The following ACVR1 variants were observed in gnomAD, a reference collection of about 807,000 sequenced individuals.
ACVR1 encodes activin A receptor type 1, also known as activin receptor type-1.
In ACVR1, 38 loss-of-function variants were observed where a neutral mutation model predicts 57.1. That is an observed-to-expected ratio of 0.67 (90% confidence interval 0.51 to 0.87). The LOEUF is 0.87. ACVR1 is among the 40% of genes least tolerant of loss of function. ACVR1 has a pLI of 0.00. For synonymous variants in ACVR1, 212 were observed against 228.1 expected (o/e 0.93, Z 0.63); for missense variants, 463 against 638.2 (o/e 0.73, Z 2.96).
intron 1 of ACVR1, among the ~76,000 whole-genome samples, chr2:157,855,340 AC>A (rs1558848498): frequency 1.9e-3 from 259 of 133,628 alleles, no homozygotes; most frequent in African/African-American, 4.9e-3. Context: ...ACACACACAC[AC>A]ACACAAAAAT....
intron 1 of ACVR1, among the ~76,000 whole-genome samples, chr2:157,830,225 A>C (rs1156940758): frequency 6.6e-6 from 1 of 152,188 alleles, no homozygotes; most frequent in Non-Finnish European, 1.5e-5. Flanking sequence ...TCTCAAAATA[A>C]AATTAAATAA....
intron 9 of ACVR1, among the ~76,000 whole-genome samples, chr2:157,752,335 T>A (rs537674402): frequency 6.6e-6 from 1 of 152,318 alleles, no homozygotes; most frequent in African/African-American, 2.4e-5. Context: ...ACCTTCCCTC[T>A]GACATAGCCT....
chr2:157,768,810 T>G (rs771127164), intron 7 of ACVR1, among the ~76,000 whole-genome samples: 3 of 152,200 alleles, frequency 2.0e-5, no homozygotes, highest in African/African-American at 4.8e-5. Flanking sequence ...CATTTAAAAC[T>G]GGGAAAATGA....
At chr2:157,808,069 C>A (rs1687624902) in intron 2 of ACVR1, among the ~76,000 whole-genome samples, 1 of 152,138 alleles carries the variant, frequency 6.6e-6, no homozygotes, top group African/African-American at 2.4e-5. Context: ...CTGTCTCAGA[C>A]CTTCTCACCC....
At chr2:157,749,936 A>G (rs1370299359) in intron 9 of ACVR1, among the ~76,000 whole-genome samples, 3 of 152,238 alleles carry the variant, frequency 2.0e-5, no homozygotes, top group African/African-American at 7.2e-5. Flanking sequence ...GTCAGGGCCC[A>G]TGTGCATCAT....
intron 1 of ACVR1, among the ~76,000 whole-genome samples, chr2:157,862,422 TACACACACACACACACACAC>T (rs68077740): frequency 7.0e-6 from 1 of 143,652 alleles, no homozygotes; most frequent in Non-Finnish European, 1.5e-5. Flanking sequence ...CATATACACA[TACACACACACACACACACAC>T]ACACACACAC....
intron 1 of ACVR1, among the ~76,000 whole-genome samples, chr2:157,857,638 G>T (rs1689581587): frequency 6.6e-6 from 1 of 152,150 alleles, no homozygotes; most frequent in Non-Finnish European, 1.5e-5. Flanking sequence ...ATGCAGTGTT[G>T]CTTTGGTAAA....
At chr2:157,809,102 A>G (rs1377040661) in intron 2 of ACVR1, among the ~76,000 whole-genome samples, 1 of 152,190 alleles carries the variant, frequency 6.6e-6, no homozygotes, top group Non-Finnish European at 1.5e-5. Flanking sequence ...AATTTTGCCT[A>G]CACGGCTGTT....
chr2:157,858,175 C>T (rs1558850480), intron 1 of ACVR1, among the ~76,000 whole-genome samples: 1 of 152,170 alleles, frequency 6.6e-6, no homozygotes, highest in Non-Finnish European at 1.5e-5. Context: ...TTGAGCTCTT[C>T]TCTTACTGGG....
In ACVR1 at chr2:157,760,900, G is replaced by T. The variant is rs1389258569; in HGVS notation, c.1244C>A (p.Ala415Asp). Residue 415 changes from alanine to aspartate, a missense_variant, in exon 9 of 11, where the codon GCC becomes GAC. By Grantham distance (126) the Ala-to-Asp change is moderately radical. Around this residue, in one of 3 missense-constraint regions of ACVR1, gnomAD observed 146 missense variants for 186.6 expected, o/e 0.78. Transcript: ENST00000434821. Reference protein sequence around the residue: ...WAFGLVLWEVARRMVSNGIVE... With the variant: ...WAFGLVLWEVDRRMVSNGIVE... ...CCTACCATTGCTCACCATCCGCCTG[G>T]CCACTTCCCACAAAACAAGTCCAAA... is the stretch of plus-strand genomic sequence containing the variant. 6.2e-7 allele frequency: 1 copy of T among 1,613,912 alleles called. No homozygotes were observed. The highest frequency in any genetic ancestry group is 8.5e-7 in the Non-Finnish European group (1 of 1,179,978).
At chr2:157,742,933 A>T (rs1400286960) in intron 9 of ACVR1, among the ~76,000 whole-genome samples, 1 of 152,074 alleles carries the variant, frequency 6.6e-6, no homozygotes, top group Non-Finnish European at 1.5e-5. Flanking sequence ...TCTGTAGGAG[A>T]AAGCTGAAAA....
intron 1 of ACVR1, among the ~76,000 whole-genome samples, chr2:157,846,417 T>C (rs1689127554): frequency 6.6e-6 from 1 of 152,226 alleles, no homozygotes. Context: ...GAATTCTTCA[T>C]GAAATGACTC....
At chr2:157,822,993 T>C (rs1332377372) in intron 1 of ACVR1, among the ~76,000 whole-genome samples, 1 of 152,228 alleles carries the variant, frequency 6.6e-6, no homozygotes, top group Admixed American at 6.5e-5. Context: ...AAGCGTAGGA[T>C]ATGTATACAG....
intron 6 of ACVR1, 142 bp downstream of exon 6, chr2:157,773,946 A>G (rs990071046): frequency 1.7e-5 from 12 of 698,324 alleles, no homozygotes; most frequent in Admixed American, 7.1e-5. Context: ...AACATTAGTC[A>G]TACAGAATAG....
chr2:157,780,052 GTTC>G (rs1686443956), intron 4 of ACVR1, among the ~76,000 whole-genome samples: 1 of 152,206 alleles, frequency 6.6e-6, no homozygotes, highest in Non-Finnish European at 1.5e-5. Context: ...ATTGGGAGCT[GTTC>G]ACCTGAGTCA....
At chr2:157,749,106 G>T (rs548449088) in intron 9 of ACVR1, among the ~76,000 whole-genome samples, 1 of 152,212 alleles carries the variant, frequency 6.6e-6, no homozygotes, top group Non-Finnish European at 1.5e-5. Context: ...TTTCAGTTGT[G>T]AAGATATGAA....
chr2:157,858,672 G>A (rs1224206503), intron 1 of ACVR1, among the ~76,000 whole-genome samples: 15 of 151,886 alleles, frequency 9.9e-5, no homozygotes, highest in Non-Finnish European at 4.4e-5. Context: ...TTGTCGAGAC[G>A]GGGTTTCACC....
chr2:157,855,319 TATATACAC>T (rs1447539720), intron 1 of ACVR1, among the ~76,000 whole-genome samples: 5 of 99,150 alleles, frequency 5.0e-5, no homozygotes, highest in South Asian at 4.2e-4. Flanking sequence ...TATATATATA[TATATACAC>T]ACACACACAC....
intron 1 of ACVR1, among the ~76,000 whole-genome samples, chr2:157,846,952 A>G (rs1296362294): frequency 1.3e-5 from 2 of 152,222 alleles, no homozygotes; most frequent in Non-Finnish European, 2.9e-5. Context: ...TATTATAAAA[A>G]GAGGCTGGAT....
Sources: gnomAD v4.1 joint callset for allele counts (sites outside exome capture counted in the v4.1 genomes callset) on GRCh38, gnomAD v4.1.1 for gene constraint, gnomAD v4.1.1 regional missense constraint, MANE v1.5 for transcripts, NCBI Gene and HGNC (gene_info 2026-07-23, HGNC 2026-07-21) for gene names.